Variants in DACH2 observed in about 807,000 individuals in gnomAD.
The protein encoded by DACH2 is dachshund homolog 2.
In DACH2, 17 loss-of-function variants were observed where a neutral mutation model predicts 35.8. That is an observed-to-expected ratio of 0.48 (90% confidence interval 0.33 to 0.71). The LOEUF (loss-of-function observed/expected upper bound fraction) is 0.71, where lower values mean the gene tolerates loss of function less well. Ranked by LOEUF, DACH2 falls within the 30% of genes least tolerant of loss-of-function variation. DACH2 has a pLI of 0.02. For synonymous variants in DACH2, 195 were observed against 177.3 expected, an observed-to-expected ratio of 1.10 and a Z score of -0.79; for missense variants, 469 against 472.7, an observed-to-expected ratio of 0.99 and a Z score of 0.07.
chrX:86,459,416 A>G lies in DACH2; in HGVS notation c.528-54863A>G, dbSNP rs1271717733. 2.7e-5 allele frequency among the ~76,000 whole-genome samples: 3 copies of G among 111,573 alleles called. No homozygotes were observed. In the Admixed American group the frequency reaches 2.9e-4, roughly 11 times the overall value. On this transcript the variant is annotated intron_variant, in intron 2 of 11. Transcript: ENST00000373125. ...ACAGAATCCTTTCAGTTATTTAAAC[A>G]CAACCTTTGCGCACCCAGTTTGTAC... is the stretch of plus-strand genomic sequence containing the variant.
intron 3 of DACH2, among the ~76,000 whole-genome samples, chrX:86,608,592 T>C (rs1357443973): frequency 8.9e-6 from 1 of 112,145 alleles, no homozygotes; most frequent in Non-Finnish European, 1.9e-5. Flanking sequence ...TTCTTTCTGA[T>C]TGAAATATGC....
chrX:86,358,942 T>A (rs2035688750), intron 1 of DACH2, among the ~76,000 whole-genome samples: 1 of 111,404 alleles, frequency 9.0e-6, no homozygotes, highest in Non-Finnish European at 1.9e-5. Flanking sequence ...TTAAAAAACT[T>A]TCAGATCAGA....
At chrX:86,780,822 C>G (rs756254295) in intron 7 of DACH2, among the ~76,000 whole-genome samples, 1 of 111,367 alleles carries the variant, frequency 9.0e-6, no homozygotes, top group Non-Finnish European at 1.9e-5. Context: ...TGTTGGGGAT[C>G]GCTCCTGAGG....
chrX:86,289,399 G>A (rs2034223069), intron 1 of DACH2, among the ~76,000 whole-genome samples: 1 of 104,344 alleles, frequency 9.6e-6, no homozygotes, highest in South Asian at 4.2e-4. Context: ...TGGTGTCTAA[G>A]CAGGTTTCTT....
At chrX:86,171,305 T>A (rs1019604737) in intron 1 of DACH2, among the ~76,000 whole-genome samples, 19 of 110,339 alleles carry the variant, frequency 1.7e-4, no homozygotes, top group Non-Finnish European at 3.4e-4. Flanking sequence ...ATGGGAGGGG[T>A]GATGCCAGCA....
At chrX:86,495,357 C>A (rs1407187368) in intron 2 of DACH2, among the ~76,000 whole-genome samples, 1 of 102,075 alleles carries the variant, frequency 9.8e-6, no homozygotes, top group African/African-American at 3.5e-5. Context: ...TGCATCCAGA[C>A]TTTTTTTTTT....
At chrX:86,483,105 A>T (rs1360654053) in intron 2 of DACH2, among the ~76,000 whole-genome samples, 1 of 106,511 alleles carries the variant, frequency 9.4e-6, no homozygotes, top group African/African-American at 3.4e-5. Flanking sequence ...AACCTGCACA[A>T]TGTGCACATG....
At chrX:86,287,864 T>C (rs2034185334) in intron 1 of DACH2, among the ~76,000 whole-genome samples, 1 of 112,469 alleles carries the variant, frequency 8.9e-6, no homozygotes, top group African/African-American at 3.2e-5. Context: ...GTCACATATC[T>C]CTGTTTTTCC....
chrX:86,180,460 G>A (rs2031453568), intron 1 of DACH2, among the ~76,000 whole-genome samples: 1 of 109,399 alleles, frequency 9.1e-6, no homozygotes, highest in Non-Finnish European at 1.9e-5. Flanking sequence ...CGAGGCATTT[G>A]AGAACAAAAT....
At chrX:86,460,451 C>T (rs1282554085) in intron 2 of DACH2, among the ~76,000 whole-genome samples, 1 of 110,576 alleles carries the variant, frequency 9.0e-6, no homozygotes, top group Non-Finnish European at 1.9e-5. Context: ...TATTTGATTA[C>T]ACTACAGGTC....
intron 2 of DACH2, among the ~76,000 whole-genome samples, chrX:86,456,387 G>A (rs949340574): frequency 2.7e-5 from 3 of 111,434 alleles, no homozygotes; most frequent in African/African-American, 9.8e-5. Context: ...GATTATAGTA[G>A]AGTTAGACAT....
chrX:86,345,951 A>G (rs188627908), intron 1 of DACH2, among the ~76,000 whole-genome samples: 247 of 112,257 alleles, frequency 2.2e-3, no homozygotes, highest in Non-Finnish European at 2.4e-3. Context: ...CAGCAGAAAA[A>G]TAATTGAAAA....
At chrX:86,418,148 G>T (rs1307198704) in intron 2 of DACH2, among the ~76,000 whole-genome samples, 2 of 112,229 alleles carry the variant, frequency 1.8e-5, no homozygotes, top group Non-Finnish European at 3.8e-5. Context: ...GGCTTTGCAG[G>T]GTACAGCCTT....
chrX:86,693,013 G>T (rs1245618920), intron 4 of DACH2, among the ~76,000 whole-genome samples: 1 of 112,139 alleles, frequency 8.9e-6, no homozygotes, highest in Non-Finnish European at 1.9e-5. Flanking sequence ...CTTCAAATTT[G>T]TTAACACTAA....
In DACH2 at chrX:86,204,306, T is replaced by C. The variant is rs527835046; in HGVS notation, c.488+55198T>C. On this transcript the variant is annotated intron_variant, in intron 1 of 11. Transcript: ENST00000373125. Reference sequence around the variant, plus strand: ...ATCAAATTTCCGGTGGAAAGACATGTTTTAAATGTATCCTTTGTTCTTGTT... The same window carrying C: ...ATCAAATTTCCGGTGGAAAGACATGCTTTAAATGTATCCTTTGTTCTTGTT... Among the ~76,000 whole-genome samples the C allele has an allele frequency of 1.8e-4, 20 of 112,168 alleles. No homozygotes were observed. In the South Asian group the frequency reaches 4.8e-3, roughly 27 times the overall value.
chrX:86,818,135 T>A (rs947634274), intron 11 of DACH2, among the ~76,000 whole-genome samples: 1 of 111,870 alleles, frequency 8.9e-6, no homozygotes, highest in Non-Finnish European at 1.9e-5. Flanking sequence ...AGGTTCCACA[T>A]AAATGTGATA....
Position 86,705,589 on chromosome X carries a change from AT to A in DACH2, c.932-8958del, listed in dbSNP as rs201260662. Among the ~76,000 whole-genome samples, 943 of 111,678 alleles carry A rather than the reference AT, an allele frequency of 8.4e-3. 10 individuals are homozygous for A. The highest frequency in any genetic ancestry group is 0.029 in the African/African-American group (900 of 30,755). ...TGGATATTATTAAAATTTTTAAAAA[AT>A]ATAGATGCTGGCCTGGGTGTAATGA... is the stretch of plus-strand genomic sequence containing the variant. On this transcript the variant is annotated intron_variant, in intron 5 of 11. Transcript: ENST00000373125.
chrX:86,625,208 TAG>T (rs1491557376), intron 3 of DACH2, among the ~76,000 whole-genome samples: 2 of 76,163 alleles, frequency 2.6e-5, no homozygotes, highest in Non-Finnish European at 5.0e-5. Flanking sequence ...AAAACCTTCT[TAG>T]TGTGTGTGTG....
intron 1 of DACH2, among the ~76,000 whole-genome samples, chrX:86,292,618 A>G: frequency 9.1e-6 from 1 of 110,238 alleles, no homozygotes; most frequent in Non-Finnish European, 1.9e-5. Flanking sequence ...AGATTCTGGT[A>G]TGTTGTGTCT....
Sources: gnomAD v4.1 joint callset for allele counts (sites outside exome capture counted in the v4.1 genomes callset) on GRCh38, gnomAD v4.1.1 for gene constraint, MANE v1.5 for transcripts, NCBI Gene and HGNC (gene_info 2026-07-23, HGNC 2026-07-21) for gene names.